Variants in MSI2 observed in about 807,000 individuals in gnomAD.
MSI2 encodes RNA-binding protein Musashi homolog 2.
Under a neutral mutation model 45.6 loss-of-function variants are expected in MSI2, and 17 were observed. That is an observed-to-expected ratio of 0.37 (90% CI 0.26 to 0.56). The LOEUF is 0.56. Ranked by LOEUF, MSI2 falls within the 20% of genes least tolerant of loss-of-function variation. The probability of loss-of-function intolerance (pLI) is 0.77; values close to 1 mark genes in which losing one functional copy is unlikely to be tolerated. For missense variants in MSI2, 293 were observed against 444.2 expected, an observed-to-expected ratio of 0.66 and a Z score of 3.06; for synonymous variants, 156 against 158.2, an observed-to-expected ratio of 0.99 and a Z score of 0.11.
intron 6 of MSI2, among the ~76,000 whole-genome samples, chr17:57,421,716 T>A (rs946616142): frequency 4.6e-5 from 7 of 152,182 alleles, no homozygotes; most frequent in Admixed American, 4.6e-4. Context: ...AGACCCTATC[T>A]GTACAAAAAA....
At chr17:57,389,269 G>A (rs1478243301) in intron 5 of MSI2, among the ~76,000 whole-genome samples, 1 of 152,104 alleles carries the variant, frequency 6.6e-6, no homozygotes, top group Non-Finnish European at 1.5e-5. Context: ...GAGCCACTGC[G>A]CCCGAGCCCC....
intron 7 of MSI2, among the ~76,000 whole-genome samples, chr17:57,583,032 C>A (rs1488071890): frequency 6.6e-6 from 1 of 152,204 alleles, no homozygotes; most frequent in African/African-American, 2.4e-5. Flanking sequence ...TGCAACTTGT[C>A]CCATCTGATC....
At chr17:57,698,927 G>A in the MSI2 span, among the ~76,000 whole-genome samples, 1 of 139,494 alleles carries the variant, frequency 7.2e-6, no homozygotes, top group African/African-American at 3.3e-5. Flanking sequence ...GTGTGTGTGT[G>A]TGTGTGTGTG....
intron 10 of MSI2, among the ~76,000 whole-genome samples, chr17:57,645,972 G>A (rs1450907048): frequency 6.6e-6 from 1 of 152,190 alleles, no homozygotes; most frequent in African/African-American, 2.4e-5. Flanking sequence ...CCCCACTGGG[G>A]TGGAGGATCG....
intron 7 of MSI2, among the ~76,000 whole-genome samples, chr17:57,566,639 G>A (rs1469830631): frequency 6.6e-6 from 1 of 152,194 alleles, no homozygotes; most frequent in Admixed American, 6.5e-5. Context: ...TTGCTTTCTG[G>A]GATGAACGTG....
At chr17:57,363,631 C>G (rs59307940) in intron 5 of MSI2, among the ~76,000 whole-genome samples, 2,719 of 152,210 alleles carry the variant, frequency 0.018, 97 homozygotes, top group African/African-American at 0.063. Flanking sequence ...CCCAGCTACT[C>G]AGGAGGCTGA....
In MSI2 at chr17:57,684,045, A is replaced by G. The variant is rs1280978871; in HGVS notation, c.*4528A>G. ...GCAACCTTAATCCAAACACCTGGCT[A>G]TCAAATAATCAGAATGTATTGTCTC... On this transcript the variant is annotated 3_prime_UTR_variant, in exon 14 of 14. Coordinates refer to ENST00000284073, the MANE Select transcript of MSI2 (RefSeq NM_138962.4). 4.4e-6 allele frequency: 1 copy of G among 225,932 alleles called. No individual in the cohort carries two copies. The highest frequency in any genetic ancestry group is 6.3e-5 in the East Asian group (1 of 15,788). The allele number at this position is 225,932 out of a possible 1,614,324, so 14.0% of individuals were successfully genotyped here.
intron 5 of MSI2, among the ~76,000 whole-genome samples, chr17:57,319,307 G>A (rs1346897185): frequency 1.3e-5 from 2 of 152,162 alleles, no homozygotes; most frequent in African/African-American, 2.4e-5. Context: ...TCAGAGAAGC[G>A]AGGTGACCTT....
chr17:57,490,504 TG>T (rs2085849035), intron 6 of MSI2, among the ~76,000 whole-genome samples: 1 of 152,210 alleles, frequency 6.6e-6, no homozygotes, highest in Non-Finnish European at 1.5e-5. Flanking sequence ...ACCTCTGCTT[TG>T]AAAACAGCCC....
intron 8 of MSI2, among the ~76,000 whole-genome samples, chr17:57,615,076 T>G (rs980216451): frequency 3.3e-5 from 5 of 152,096 alleles, no homozygotes; most frequent in African/African-American, 1.2e-4. Flanking sequence ...AAGATCTGGT[T>G]TGTAGGCCTG....
At chr17:57,615,065 A>G (rs1907546862) in intron 8 of MSI2, among the ~76,000 whole-genome samples, 1 of 151,874 alleles carries the variant, frequency 6.6e-6, no homozygotes, top group South Asian at 2.1e-4. Context: ...TAGAAATTCT[A>G]AAGATCTGGT....
At chr17:57,560,488 A>C (rs2087548485) in intron 7 of MSI2, among the ~76,000 whole-genome samples, 1 of 152,192 alleles carries the variant, frequency 6.6e-6, no homozygotes, top group Non-Finnish European at 1.5e-5. Flanking sequence ...CACCACCCCC[A>C]GATCACCACG....
intron 7 of MSI2, among the ~76,000 whole-genome samples, chr17:57,574,072 C>T (rs544545108): frequency 6.6e-6 from 1 of 152,144 alleles, no homozygotes; most frequent in South Asian, 2.1e-4. Flanking sequence ...CCCCTCCCTC[C>T]CTGGGCTAGG....
rs116035972 is a variant in MSI2, at chr17:57,579,372, C to G, written c.455-17496C>G. ...GAGGACGCAGGGATGATCTGGCCCC[C>G]ATGCTGGGTGGTGGGAGAGGCGGTG... On this transcript the variant is annotated intron_variant, in intron 7 of 13. Coordinates refer to ENST00000284073, the MANE Select transcript of MSI2 (RefSeq NM_138962.4). Among the ~76,000 whole-genome samples, 1,512 of 152,298 alleles carry G rather than the reference C, an allele frequency of 9.9e-3. 27 individuals are homozygous for G. Among genetic ancestry groups the G allele is most frequent in the African/African-American group, 0.035 (1,450 of 41,562 alleles).
chr17:57,677,125 A>G (rs960416434), intron 13 of MSI2, 66 bp downstream of exon 13: 13 of 1,101,366 alleles, frequency 1.2e-5, no homozygotes, highest in Non-Finnish European at 1.8e-5. Context: ...TCCACAGGTC[A>G]TACATGCACG....
intron 6 of MSI2, among the ~76,000 whole-genome samples, chr17:57,404,332 T>A (rs1567804397): frequency 6.6e-6 from 1 of 152,226 alleles, no homozygotes; most frequent in Non-Finnish European, 1.5e-5. Flanking sequence ...CAAGATGGAC[T>A]GACGATGGGC....
chr17:57,328,078 G>T (rs545724012), intron 5 of MSI2, among the ~76,000 whole-genome samples: 1 of 152,260 alleles, frequency 6.6e-6, no homozygotes, highest in East Asian at 1.9e-4. Context: ...TTAACTATCT[G>T]TTTATCTCAG....
chr17:57,409,744 C>CA (rs1490918037), intron 6 of MSI2, among the ~76,000 whole-genome samples: 2 of 151,962 alleles, frequency 1.3e-5, no homozygotes, highest in Admixed American at 1.3e-4. Context: ...CACAGTGGCT[C>CA]ACGCCTGTAA....
chr17:57,257,576 T>G (rs1176809946), intron 3 of MSI2, 29 bp downstream of exon 3: 2 of 1,477,006 alleles, frequency 1.4e-6, no homozygotes, highest in African/African-American at 2.8e-5. Context: ...GATTTTGTCT[T>G]TATTTTAGAA....
Sources: gnomAD v4.1 joint callset for allele counts (sites outside exome capture counted in the v4.1 genomes callset) on GRCh38, gnomAD v4.1.1 for gene constraint, MANE v1.5 for transcripts, NCBI Gene and HGNC (gene_info 2026-07-23, HGNC 2026-07-21) for gene names.